ROBO2: variants seen among roughly 807,000 people sequenced by gnomAD.
ROBO2 encodes the protein roundabout guidance receptor 2, also known as roundabout homolog 2.
ROBO2 carries 53 observed loss-of-function variants against 160.8 expected under a neutral mutation model. The observed-to-expected ratio is 0.33, with a 90% CI of 0.26 to 0.41. The LOEUF (loss-of-function observed/expected upper bound fraction) is 0.41. Among genes scored for constraint, ROBO2 ranks in the 10% least tolerant of loss-of-function variants. The probability of loss-of-function intolerance (pLI) is 1.00; values close to 1 mark genes in which losing one functional copy is unlikely to be tolerated. For synonymous variants in ROBO2, 664 were observed against 611.7 expected (o/e 1.09, Z -1.26); for missense variants, 1,577 against 1,722.4 (o/e 0.92, Z 1.49).
At chr3:76,731,557 G>T (rs1222581514) in intron 2 of ROBO2, among the ~76,000 whole-genome samples, 1 of 151,684 alleles carries the variant, frequency 6.6e-6, no homozygotes, top group Non-Finnish European at 1.5e-5. Flanking sequence ...CCTTTCTGTT[G>T]CCTGGCATTG....
intron 2 of ROBO2, among the ~76,000 whole-genome samples, chr3:76,159,310 A>C (rs971893899): frequency 1.1e-4 from 17 of 152,226 alleles, no homozygotes; most frequent in Non-Finnish European, 1.9e-4. Flanking sequence ...GGACAGAAAG[A>C]AACAGTTCTC....
intron 5 of ROBO2, among the ~76,000 whole-genome samples, chr3:77,497,043 A>G (rs951543894): frequency 3.3e-5 from 5 of 152,264 alleles, no homozygotes; most frequent in Middle Eastern, 3.4e-3. Context: ...AAGTCTAACA[A>G]TAACCCTTAT....
chr3:76,165,982 A>G (rs914748123), intron 2 of ROBO2, among the ~76,000 whole-genome samples: 10 of 152,190 alleles, frequency 6.6e-5, no homozygotes, highest in African/African-American at 2.2e-4. Context: ...AAACCATTAC[A>G]ATAGTAACAT....
intron 2 of ROBO2, among the ~76,000 whole-genome samples, chr3:76,516,719 T>C (rs1225994247): frequency 6.6e-6 from 1 of 152,152 alleles, no homozygotes; most frequent in Non-Finnish European, 1.5e-5. Flanking sequence ...CTTTTAATTT[T>C]TGAGAAGGAA....
At chr3:77,151,953 T>A (rs575872291) in intron 2 of ROBO2, among the ~76,000 whole-genome samples, 25 of 152,298 alleles carry the variant, frequency 1.6e-4, no homozygotes, top group African/African-American at 6.0e-4. Context: ...CTTTGCAAAT[T>A]TCTAGTACAC....
chr3:77,284,213 T>C (rs2060432191), intron 2 of ROBO2, among the ~76,000 whole-genome samples: 1 of 152,166 alleles, frequency 6.6e-6, no homozygotes, highest in Non-Finnish European at 1.5e-5. Flanking sequence ...ATAGACAGTA[T>C]GGCTTACCAA....
chr3:77,001,086 T>C (rs1578169989), intron 2 of ROBO2, among the ~76,000 whole-genome samples: 1 of 152,200 alleles, frequency 6.6e-6, no homozygotes, highest in Admixed American at 6.6e-5. Context: ...ACGGTGAATG[T>C]TGGTTTCACC....
At chr3:76,178,695 A>G (rs1380918403) in intron 2 of ROBO2, among the ~76,000 whole-genome samples, 4 of 152,166 alleles carry the variant, frequency 2.6e-5, no homozygotes, top group South Asian at 4.1e-4. Context: ...CTGTAATCCC[A>G]GCACTTTGGA....
chr3:76,715,916 A>C (rs1233881696), intron 2 of ROBO2, among the ~76,000 whole-genome samples: 5 of 152,106 alleles, frequency 3.3e-5, no homozygotes, highest in African/African-American at 7.2e-5. Context: ...TTCACAATGA[A>C]TTTTTGTCAT....
intron 2 of ROBO2, among the ~76,000 whole-genome samples, chr3:76,651,743 T>A (rs2109891864): frequency 6.6e-6 from 1 of 152,318 alleles, no homozygotes; most frequent in South Asian, 2.1e-4. Context: ...ATCTCCCCCT[T>A]TTAACTACTT....
chr3:76,748,106 C>A (rs1266968023), intron 2 of ROBO2, among the ~76,000 whole-genome samples: 3 of 151,840 alleles, frequency 2.0e-5, no homozygotes, highest in Admixed American at 2.0e-4. Flanking sequence ...CTATTCATCC[C>A]ATTCATTATT....
chr3:77,443,648 T>A (rs1469456151), intron 2 of ROBO2, among the ~76,000 whole-genome samples: 1 of 152,154 alleles, frequency 6.6e-6, no homozygotes, highest in Non-Finnish European at 1.5e-5. Flanking sequence ...TTTTTCCCTT[T>A]AACATTTTTA....
chr3:77,495,089 C>T (rs2086619477), intron 5 of ROBO2, among the ~76,000 whole-genome samples: 5 of 152,114 alleles, frequency 3.3e-5, no homozygotes, highest in Admixed American at 2.6e-4. Flanking sequence ...TGTCCATCCT[C>T]TATATATAGT....
rs573393894 is a variant in ROBO2 at position 77,562,665 on chromosome 3, C to A, written c.1452C>A (p.Gly484=). 6.2e-7 allele frequency: 1 copy of A among 1,611,894 alleles called. No individual in the cohort carries two copies. Among genetic ancestry groups the A allele is most frequent in the Admixed American group, 1.7e-5 (1 of 59,870 alleles). The change falls in exon 10 of 26, where the codon GGC becomes GGA. Residue 484 remains glycine, a synonymous_variant. Coordinates refer to ENST00000461745, the Ensembl canonical transcript of ROBO2. ...GTGCACACTAGATTTCTGATACTGG[C>A]ACTTATACTTGTGTGGCTACAAGTT... is the stretch of plus-strand genomic sequence containing the variant.
intron 2 of ROBO2, among the ~76,000 whole-genome samples, chr3:77,235,355 A>ATTTTTTTTT: frequency 7.0e-6 from 1 of 143,792 alleles, no homozygotes; most frequent in South Asian, 2.2e-4. Flanking sequence ...AGAGGAGAAT[A>ATTTTTTTTT]TTTTTTTTTT....
intron 2 of ROBO2, among the ~76,000 whole-genome samples, chr3:76,910,725 C>CAAAAAAAAAAAAAAAAAAAAA (rs10662303): frequency 2.8e-5 from 1 of 35,526 alleles, no homozygotes. Context: ...AACTCTGTCT[C>CAAAAAAAAAAAAAAAAAAAAA]AAAAAAAAAA....
At chr3:76,737,693 A>C (rs2093735911) in intron 2 of ROBO2, among the ~76,000 whole-genome samples, 1 of 152,188 alleles carries the variant, frequency 6.6e-6, no homozygotes, top group Non-Finnish European at 1.5e-5. Context: ...GAAGAAGGGG[A>C]AACAACAAGA....
intron 2 of ROBO2, among the ~76,000 whole-genome samples, chr3:76,066,432 T>G (rs1359103891): frequency 6.6e-6 from 1 of 152,152 alleles, no homozygotes; most frequent in African/African-American, 2.4e-5. Context: ...GTACAAAATA[T>G]TAAATTATGA....
At chr3:75,993,271 G>A (rs1010406715) in intron 2 of ROBO2, among the ~76,000 whole-genome samples, 2 of 152,146 alleles carry the variant, frequency 1.3e-5, no homozygotes, top group Non-Finnish European at 2.9e-5. Context: ...CCAGTGGGAA[G>A]TAATTGAATC....
Sources: gnomAD v4.1 joint callset for allele counts (sites outside exome capture counted in the v4.1 genomes callset) on GRCh38, gnomAD v4.1.1 for gene constraint, MANE v1.5 for transcripts, NCBI Gene and HGNC (gene_info 2026-07-23, HGNC 2026-07-21) for gene names.